The following PPP4R1 variants were observed in gnomAD, a reference collection of about 807,000 sequenced individuals.
The protein encoded by PPP4R1 is serine/threonine-protein phosphatase 4 regulatory subunit 1.
PPP4R1 carries 42 observed loss-of-function variants against 111.2 expected under a neutral mutation model. The observed-to-expected ratio is 0.38, with a 90% CI of 0.29 to 0.49. The LOEUF is 0.49. Ranked by LOEUF, PPP4R1 falls within the 20% of genes least tolerant of loss-of-function variation. The pLI, the probability that PPP4R1 is intolerant of heterozygous loss-of-function variation, is 0.97. For missense variants in PPP4R1, 1,012 were observed against 1,161.6 expected, an observed-to-expected ratio of 0.87 and a Z score of 1.87; for synonymous variants, 409 against 405.5, an observed-to-expected ratio of 1.01 and a Z score of -0.10.
At chr18:9,576,219 A>G (rs1175709709) in intron 10 of PPP4R1, among the ~76,000 whole-genome samples, 1 of 152,162 alleles carries the variant, frequency 6.6e-6, no homozygotes, top group Non-Finnish European at 1.5e-5. Flanking sequence ...TACAGAAGAA[A>G]ATGTCCATTA....
chr18:9,558,536 C>T (rs1324679089), intron 14 of PPP4R1, among the ~76,000 whole-genome samples: 4 of 152,212 alleles, frequency 2.6e-5, no homozygotes, highest in South Asian at 2.1e-4. Context: ...CCCCTGGGCC[C>T]AGCTTTCCTA....
At chr18:9,602,403 G>A (rs1005829804) in intron 2 of PPP4R1, among the ~76,000 whole-genome samples, 36 of 149,194 alleles carry the variant, frequency 2.4e-4, no homozygotes, top group African/African-American at 6.9e-4. Context: ...AAAATTAGCC[G>A]GGCGTGGTGG....
chr18:9,560,087 C>T (rs1436135683), intron 13 of PPP4R1, among the ~76,000 whole-genome samples: 4 of 151,754 alleles, frequency 2.6e-5, no homozygotes, highest in Non-Finnish European at 5.9e-5. Flanking sequence ...TGAGCCCAGC[C>T]TGGGCAACAT....
chr18:9,607,685 A>C (rs750287806), intron 2 of PPP4R1, among the ~76,000 whole-genome samples: 2 of 152,148 alleles, frequency 1.3e-5, no homozygotes, highest in Non-Finnish European at 2.9e-5. Flanking sequence ...CTAAGTGTTG[A>C]CAATGATGAT....
chr18:9,563,699 G>A (rs559269973), intron 11 of PPP4R1, 149 bp from the exon 12 acceptor site: 1 of 627,234 alleles, frequency 1.6e-6, no homozygotes, highest in Non-Finnish European at 2.5e-6. Context: ...TTCTACTGTG[G>A]TAAATCATTA....
At chr18:9,596,852 T>C (rs915638338) in intron 2 of PPP4R1, among the ~76,000 whole-genome samples, 2 of 152,246 alleles carry the variant, frequency 1.3e-5, no homozygotes, top group Non-Finnish European at 2.9e-5. Context: ...CAACAGTTCC[T>C]TTTGTTAAAA....
chr18:9,601,213 T>G (rs1036992205), intron 2 of PPP4R1, among the ~76,000 whole-genome samples: 74 of 149,908 alleles, frequency 4.9e-4, no homozygotes, highest in Non-Finnish European at 3.1e-4. Context: ...TGTTTTTTTT[T>G]TTGGGGAAAA....
At chr18:9,548,321 C>G (rs1419047035) in intron 19 of PPP4R1, among the ~76,000 whole-genome samples, 1 of 151,676 alleles carries the variant, frequency 6.6e-6, no homozygotes, top group East Asian at 1.9e-4. Flanking sequence ...TTCATTTATC[C>G]TTATTCTTTG....
intron 15 of PPP4R1, among the ~76,000 whole-genome samples, chr18:9,554,935 C>T (rs1241488313): frequency 6.6e-6 from 1 of 152,200 alleles, no homozygotes; most frequent in Non-Finnish European, 1.5e-5. Context: ...CCCACTAATA[C>T]TAAAATAACT....
Position 9,549,213 on chromosome 18 carries a change from T to C in PPP4R1, c.2673A>G (p.Gln891=). ...VRVLLAKTLR[Q]TLLEKDYFLA... ...ACTACCTACCTTTTTCTAGTAGAGTTTGTCTTAATGTCTTTGCAAGCAGCA... is the reference window on the plus strand; with the variant it reads ...ACTACCTACCTTTTTCTAGTAGAGTCTGTCTTAATGTCTTTGCAAGCAGCA... The change falls in exon 19 of 20, where the codon CAA becomes CAG. Residue 891 remains glutamine (Q), a synonymous_variant. Coordinates refer to ENST00000400556, the MANE Select transcript of PPP4R1 (RefSeq NM_001042388.3). The C allele has an allele frequency of 3.1e-6, 5 of 1,613,296 alleles. 1 individual carries two copies.
rs769676553 is a variant in PPP4R1, at chr18:9,577,055, AAATT to A, written c.1046+5_1046+8del. On this transcript the variant is annotated splice_donor_5th_base_variant and intron_variant, in intron 10 of 19. Coordinates refer to ENST00000400556, the MANE Select transcript of PPP4R1 (RefSeq NM_001042388.3). ...GTTTTAAAATTAGAAAATGGTTTCA[AAATT>A]ATACCTATTTTTGTTTTCTACTGAC... The A allele has an allele frequency of 1.3e-6, 2 of 1,529,226 alleles. No homozygotes were observed. The highest frequency in any genetic ancestry group is 8.8e-7 in the Non-Finnish European group (1 of 1,133,216). 94.7% of individuals were successfully genotyped at this position (1,529,226 alleles called of 1,614,324 possible).
chr18:9,559,509 T>A lies in PPP4R1; in HGVS notation c.1938A>T (p.Ala646=). The A allele has an allele frequency of 6.2e-7, 1 of 1,614,016 alleles. No individual in the cohort carries two copies. Residue 646 remains alanine (A), a synonymous_variant, in exon 14 of 20, where the codon GCA becomes GCT. Transcript: ENST00000400556. ...TCAAGGCCACACCAGGGAGGCTATA[T>A]GCACAGTGCTTAGCAATTTCAGTGT... The part of the protein sequence containing the change: ...TVDTEIAKHC[A]YSLPGVALTL...
chr18:9,567,318 G>A (rs146993867), intron 11 of PPP4R1, among the ~76,000 whole-genome samples: 334 of 152,328 alleles, frequency 2.2e-3, no homozygotes, highest in African/African-American at 7.6e-3. Context: ...GCTTGAAAAC[G>A]TGAGTGAAAT....
intron 2 of PPP4R1, among the ~76,000 whole-genome samples, chr18:9,607,184 C>G (rs768108273): frequency 6.6e-6 from 1 of 151,954 alleles, no homozygotes; most frequent in Non-Finnish European, 1.5e-5. Flanking sequence ...CATGGCAAAA[C>G]CCCATCTCTA....
intron 9 of PPP4R1, among the ~76,000 whole-genome samples, chr18:9,578,231 A>G (rs2066969119): frequency 6.6e-6 from 1 of 152,164 alleles, no homozygotes; most frequent in Non-Finnish European, 1.5e-5. Context: ...AATTTCCCTG[A>G]AGTTTAGCAT....
chr18:9,588,970 T>TTC, intron 4 of PPP4R1, 117 bp from the exon 5 acceptor site: 1 of 1,245,536 alleles, frequency 8.0e-7, no homozygotes, highest in Admixed American at 2.4e-5. Flanking sequence ...ATAAAGGACT[T>TTC]GAGACAACAT....
intron 2 of PPP4R1, among the ~76,000 whole-genome samples, chr18:9,604,353 G>A (rs1168523599): frequency 2.0e-5 from 3 of 151,796 alleles, no homozygotes; most frequent in East Asian, 1.9e-4. Flanking sequence ...GCCCTTGCAC[G>A]CCCTCCCTCC....
rs2066713086 is a variant in PPP4R1 at position 9,563,550 on chromosome 18, G to A, written c.1574C>T (p.Ala525Val). The change falls in exon 12 of 20, where the codon GCA (alanine) becomes GTA (valine). Residue 525 changes from alanine to valine, a missense_variant and splice_region_variant. By Grantham distance (64) the Ala-to-Val change is moderately conservative. Around this residue, in one of 2 missense-constraint regions of PPP4R1, gnomAD observed 707 missense variants for 742.1 expected, o/e 0.95. Coordinates refer to ENST00000400556, the MANE Select transcript of PPP4R1 (RefSeq NM_001042388.3). ...EPHIDDPDVK[A>V]QVEVLSAALR... ...TGCAGCGGACAGCACTTCCACTTGTGCTACAGGCAAAATAAGGAAATGGAC... is the reference window on the plus strand; with the variant it reads ...TGCAGCGGACAGCACTTCCACTTGTACTACAGGCAAAATAAGGAAATGGAC... 4 of 1,576,372 alleles carry A rather than the reference G, an allele frequency of 2.5e-6. No homozygotes were observed. Among genetic ancestry groups the A allele is most frequent in the Non-Finnish European group, 3.4e-6 (4 of 1,160,344 alleles).
intron 4 of PPP4R1, chr18:9,589,722 AC>A (rs1241550686): frequency 1.3e-5 from 2 of 152,184 alleles, no homozygotes; most frequent in African/African-American, 4.8e-5. Flanking sequence ...AACATGGTGA[AC>A]CCTGTCTCTA....
Sources: gnomAD v4.1 joint callset for allele counts (sites outside exome capture counted in the v4.1 genomes callset) on GRCh38, gnomAD v4.1.1 for gene constraint, gnomAD v4.1.1 regional missense constraint, MANE v1.5 for transcripts, NCBI Gene and HGNC (gene_info 2026-07-23, HGNC 2026-07-21) for gene names.